Variants in NYAP2 observed in about 807,000 individuals in gnomAD.
NYAP2 encodes neuronal tyrosine-phosphorylated phosphoinositide-3-kinase adapter 2.
Under a neutral mutation model 50.4 loss-of-function variants are expected in NYAP2, and 23 were observed. The ratio of observed to expected loss-of-function variants is 0.46; its 90% CI spans 0.33 to 0.65. The LOEUF is 0.65. NYAP2 is among the 30% of genes least tolerant of loss of function. NYAP2 has a pLI of 0.02. For missense variants in NYAP2, 885 were observed against 861.0 expected, an observed-to-expected ratio of 1.03 and a Z score of -0.35; for synonymous variants, 394 against 365.2, an observed-to-expected ratio of 1.08 and a Z score of -0.90.
chr2:225,470,457 A>G (rs1347243695), intron 3 of NYAP2, among the ~76,000 whole-genome samples: 1 of 152,202 alleles, frequency 6.6e-6, no homozygotes, highest in African/African-American at 2.4e-5. Context: ...CATACATGGC[A>G]GTCTGGCATA....
At chr2:225,601,194 C>T (rs530316356) in intron 5 of NYAP2, among the ~76,000 whole-genome samples, 17 of 150,356 alleles carry the variant, frequency 1.1e-4, no homozygotes, top group Non-Finnish European at 1.8e-4. Context: ...GATCTTGGCT[C>T]ACTGCAACCT....
chr2:225,689,991 T>C, the NYAP2 span, among the ~76,000 whole-genome samples: 16 of 152,234 alleles, frequency 1.1e-4, no homozygotes, highest in East Asian at 3.1e-3. Context: ...GCCCCTACTA[T>C]TTTGGTATTG....
chr2:225,696,835 C>G, the NYAP2 span, among the ~76,000 whole-genome samples: 1 of 151,822 alleles, frequency 6.6e-6, no homozygotes, highest in South Asian at 2.1e-4. Flanking sequence ...GGAGAGTTAC[C>G]AAATCACTTT....
chr2:225,531,132 T>C (rs766812540), intron 4 of NYAP2, among the ~76,000 whole-genome samples: 7 of 152,214 alleles, frequency 4.6e-5, no homozygotes, highest in Non-Finnish European at 7.3e-5. Flanking sequence ...ATTTATCTGA[T>C]AAAACTGAAC....
intron 3 of NYAP2, among the ~76,000 whole-genome samples, chr2:225,423,577 G>A (rs888505221): frequency 6.6e-6 from 1 of 152,142 alleles, no homozygotes; most frequent in African/African-American, 2.4e-5. Context: ...ACATGTGGAG[G>A]AATAAACAGA....
intron 6 of NYAP2, among the ~76,000 whole-genome samples, chr2:225,648,635 A>C (rs1693676640): frequency 6.6e-6 from 1 of 152,202 alleles, no homozygotes; most frequent in Admixed American, 6.5e-5. Context: ...GAAAAAGTAC[A>C]AGATTTGGAC....
chr2:225,614,949 G>C (rs1428256480), intron 5 of NYAP2, among the ~76,000 whole-genome samples: 1 of 152,202 alleles, frequency 6.6e-6, no homozygotes, highest in Non-Finnish European at 1.5e-5. Flanking sequence ...TTCAGTGAAA[G>C]ATGGGCTACT....
intron 3 of NYAP2, among the ~76,000 whole-genome samples, chr2:225,422,112 G>T (rs920333750): frequency 6.6e-6 from 1 of 151,822 alleles, no homozygotes; most frequent in Middle Eastern, 3.2e-3. Context: ...CAGTTTGCTA[G>T]CAATTACTTA....
intron 4 of NYAP2, among the ~76,000 whole-genome samples, chr2:225,539,984 C>A (rs1351784814): frequency 2.6e-5 from 4 of 152,168 alleles, no homozygotes; most frequent in Admixed American, 1.3e-4. Context: ...AGGGCAGGGG[C>A]AAAATGCTGT....
At chr2:225,678,338 CA>C in the NYAP2 span, among the ~76,000 whole-genome samples, 25 of 152,136 alleles carry the variant, frequency 1.6e-4, no homozygotes, top group Non-Finnish European at 3.2e-4. Context: ...AATGATCTAT[CA>C]ATTTATTTAT....
At chr2:225,410,526 C>T (rs189469808) in intron 3 of NYAP2, among the ~76,000 whole-genome samples, 242 of 151,904 alleles carry the variant, frequency 1.6e-3, no homozygotes, top group African/African-American at 5.7e-3. Context: ...CAAAATACAA[C>T]GGATGGCCTA....
chr2:225,589,516 A>AATATATATATATAT (rs71062993), intron 5 of NYAP2, among the ~76,000 whole-genome samples: 9,049 of 69,942 alleles, frequency 0.13, 786 homozygotes, highest in Non-Finnish European at 0.16. Context: ...CTAAAAGTAA[A>AATATATATATATAT]ATATATATAT....
At chr2:225,612,987 T>A (rs1209705859) in intron 5 of NYAP2, among the ~76,000 whole-genome samples, 1 of 152,176 alleles carries the variant, frequency 6.6e-6, no homozygotes, top group South Asian at 2.1e-4. Context: ...GCTAGGTAAG[T>A]GTATTAGTCA....
intron 5 of NYAP2, among the ~76,000 whole-genome samples, chr2:225,594,119 G>A (rs1419879941): frequency 6.6e-6 from 1 of 152,114 alleles, no homozygotes; most frequent in Non-Finnish European, 1.5e-5. Flanking sequence ...TCTTTTCTAT[G>A]TTTGTAGAAA....
chr2:225,484,904 C>T (rs969192701), intron 3 of NYAP2, among the ~76,000 whole-genome samples: 1 of 152,262 alleles, frequency 6.6e-6, no homozygotes, highest in Non-Finnish European at 1.5e-5. Flanking sequence ...TGGGCTTCAC[C>T]CCAGTGCTAT....
rs141328755 is a variant in NYAP2 at position 225,643,084 on chromosome 2, A to T, written c.1829-8348A>T. ...TCATGATTAATCAAGAGTATCTTTG[A>T]GGTCATTCAATTATTTTAACAAATT... On this transcript the variant is annotated intron_variant, in intron 6 of 6. Coordinates refer to ENST00000636099, the Ensembl canonical transcript of NYAP2. Among the ~76,000 whole-genome samples, 405 of 152,302 alleles carry T rather than the reference A, an allele frequency of 2.7e-3. 5 individuals are homozygous for T. The highest frequency in any genetic ancestry group is 9.5e-3 in the African/African-American group (393 of 41,574).
At chr2:225,508,344 C>G (rs1337611585) in intron 3 of NYAP2, among the ~76,000 whole-genome samples, 1 of 152,150 alleles carries the variant, frequency 6.6e-6, no homozygotes, top group African/African-American at 2.4e-5. Context: ...CAGTCTGAAG[C>G]AGGAGAATGA....
intron 3 of NYAP2, among the ~76,000 whole-genome samples, chr2:225,478,403 C>G (rs1019062209): frequency 6.6e-6 from 1 of 152,160 alleles, no homozygotes; most frequent in South Asian, 2.1e-4. Flanking sequence ...TTTATGAATT[C>G]ATTTTTCCCA....
rs148275280 is a variant in NYAP2 at position 225,465,168 on chromosome 2, C to T, written c.222-48203C>T. ...AAGCAAATAGATGAGAAGTGGAGGA[C>T]ATATCGACTTACCCTTTGGGCATGA... is the stretch of plus-strand genomic sequence containing the variant. On this transcript the variant is annotated intron_variant, in intron 3 of 6. Transcript: ENST00000636099. Among the ~76,000 whole-genome samples the T allele has an allele frequency of 2.4e-3, 361 of 152,266 alleles. 2 individuals are homozygous for T. Among genetic ancestry groups the T allele is most frequent in the African/African-American group, 8.2e-3 (341 of 41,560 alleles).
Sources: gnomAD v4.1 joint callset for allele counts (sites outside exome capture counted in the v4.1 genomes callset) on GRCh38, gnomAD v4.1.1 for gene constraint, MANE v1.5 for transcripts, NCBI Gene and HGNC (gene_info 2026-07-23, HGNC 2026-07-21) for gene names.